The following ADGRE1 variants were observed in gnomAD, a reference collection of about 807,000 sequenced individuals.
The protein encoded by ADGRE1 is adhesion G protein-coupled receptor E1, also known as EGF-like module receptor 1.
ADGRE1 carries 82 observed loss-of-function variants against 102.7 expected under a neutral mutation model. That is an observed-to-expected ratio of 0.80 (90% confidence interval 0.67 to 0.96). The LOEUF is 0.96. Ranked by LOEUF, ADGRE1 falls within the 40% of genes least tolerant of loss-of-function variation. The pLI, the probability that ADGRE1 is intolerant of heterozygous loss-of-function variation, is 0.00. For synonymous variants in ADGRE1, 398 were observed against 399.6 expected, an observed-to-expected ratio of 1.00 and a Z score of 0.05; for missense variants, 1,032 against 1,085.3, an observed-to-expected ratio of 0.95 and a Z score of 0.69.
At chr19:6,902,107 T>A in intron 6 of ADGRE1, 86 bp downstream of exon 6, 4 of 1,517,760 alleles carry the variant, frequency 2.6e-6, no homozygotes, top group Non-Finnish European at 3.6e-6. Context: ...CTTGGTTGAG[T>A]TTGAGACTTT....
intron 10 of ADGRE1, among the ~76,000 whole-genome samples, chr19:6,909,416 C>T (rs1445645861): frequency 6.6e-6 from 1 of 152,120 alleles, no homozygotes; most frequent in East Asian, 1.9e-4. Flanking sequence ...GATCTGGTCT[C>T]TGTCACCAGA....
chr19:6,915,920 CAAAAAAAAAAA>C (rs67370670), intron 11 of ADGRE1, among the ~76,000 whole-genome samples: 2 of 59,142 alleles, frequency 3.4e-5, no homozygotes, highest in African/African-American at 8.0e-5. Flanking sequence ...GACTCCGTCT[CAAAAAAAAAAA>C]AAAAAAAAAA....
At chr19:6,912,632 G>A (rs1427666458) in intron 10 of ADGRE1, among the ~76,000 whole-genome samples, 2 of 152,086 alleles carry the variant, frequency 1.3e-5, no homozygotes, top group African/African-American at 4.8e-5. Context: ...GTGAACAGTG[G>A]CTCAGAGACC....
intron 11 of ADGRE1, 24 bp from the exon 12 acceptor site, chr19:6,916,225 C>G (rs199860809): frequency 8.1e-6 from 13 of 1,603,506 alleles, no homozygotes; most frequent in Non-Finnish European, 1.1e-5. Flanking sequence ...TGACCTCATA[C>G]GAACTCTCCC....
chr19:6,934,762 TA>T, intron 17 of ADGRE1, among the ~76,000 whole-genome samples: 1 of 145,698 alleles, frequency 6.9e-6, no homozygotes, highest in East Asian at 2.0e-4. Context: ...CATGCATGGC[TA>T]ATTTTTTTTT....
intron 5 of ADGRE1, among the ~76,000 whole-genome samples, chr19:6,901,243 C>T (rs760510065): frequency 6.6e-6 from 1 of 152,204 alleles, no homozygotes; most frequent in Non-Finnish European, 1.5e-5. Context: ...TGTATTGTTA[C>T]ATTATTACAA....
At chr19:6,928,939 C>CA (rs61017298) in intron 17 of ADGRE1, among the ~76,000 whole-genome samples, 464 of 131,974 alleles carry the variant, frequency 3.5e-3, no homozygotes, top group African/African-American at 9.5e-3. Context: ...AACTCCATCT[C>CA]AAAAAAAAAA....
chr19:6,911,692 TAC>T (rs1307318573), intron 10 of ADGRE1, among the ~76,000 whole-genome samples: 2 of 150,994 alleles, frequency 1.3e-5, no homozygotes. Context: ...CATACACGTA[TAC>T]ACACGTGTAC....
chr19:6,897,123 A>AT, intron 3 of ADGRE1, 26 bp from the exon 4 acceptor site: 1 of 1,587,572 alleles, frequency 6.3e-7, no homozygotes, highest in Non-Finnish European at 8.6e-7. Context: ...GTATAAGTAA[A>AT]TTTGTAACTC....
At chr19:6,918,528 C>T (rs930599250) in intron 12 of ADGRE1, among the ~76,000 whole-genome samples, 3 of 152,068 alleles carry the variant, frequency 2.0e-5, no homozygotes, top group African/African-American at 7.2e-5. Flanking sequence ...GGGGTTGGTA[C>T]TGTCTGGTTG....
intron 2 of ADGRE1, among the ~76,000 whole-genome samples, chr19:6,893,519 G>A (rs1973449693): frequency 6.6e-6 from 1 of 152,146 alleles, no homozygotes; most frequent in African/African-American, 2.4e-5. Flanking sequence ...TATTTCTTAT[G>A]GCTGAATGAT....
intron 9 of ADGRE1, among the ~76,000 whole-genome samples, chr19:6,908,129 C>A: frequency 6.6e-6 from 1 of 152,250 alleles, no homozygotes; most frequent in Non-Finnish European, 1.5e-5. Flanking sequence ...CGTTCTTAAA[C>A]CACAAACAAT....
Position 6,920,264 on chromosome 19 carries a change from G to C in ADGRE1, c.1620+517G>C, listed in dbSNP as rs565382098. Among the ~76,000 whole-genome samples, 302 of 146,484 alleles carry C rather than the reference G, an allele frequency of 2.1e-3. 1 individual carries two copies. The highest frequency in any genetic ancestry group is 3.5e-3 in the Middle Eastern group (1 of 286). On this transcript the variant is annotated intron_variant, in intron 13 of 20. Transcript: ENST00000312053. ...TTTTTTAGTCTCACTCTGTCACCCA[G>C]GCTGGAGTGCAGTGGCACAATTTCA... is the stretch of plus-strand genomic sequence containing the variant.
rs373926347 is a variant in ADGRE1 at position 6,923,392 on chromosome 19, A to G, written c.1792-1286A>G. 4.6e-5 allele frequency among the ~76,000 whole-genome samples: 7 copies of G among 152,326 alleles called. 2 individuals are homozygous for G. The highest frequency in any genetic ancestry group is 1.9e-4 in the East Asian group (1 of 5,184). On this transcript the variant is annotated intron_variant, in intron 14 of 20. Transcript: ENST00000312053. ...GCACAGTTGTACTTGAAATGTTTTC[A>G]TTTAATCCTAAAACAACTCTATAAG...
intron 2 of ADGRE1, 121 bp downstream of exon 2, chr19:6,890,664 C>A: frequency 2.1e-6 from 2 of 961,448 alleles, no homozygotes; most frequent in Non-Finnish European, 3.1e-6. Context: ...AGCGGCAGAG[C>A]AAGGGTTAAC....
chr19:6,937,132 C>T, intron 18 of ADGRE1, 111 bp from the exon 19 acceptor site: 4 of 1,265,760 alleles, frequency 3.2e-6, no homozygotes, highest in Non-Finnish European at 4.4e-6. Flanking sequence ...CATTTGTCCA[C>T]ACCTAGGTGG....
At chr19:6,906,357 A>C in intron 8 of ADGRE1, 76 bp from the exon 9 acceptor site, 1 of 1,350,748 alleles carries the variant, frequency 7.4e-7, no homozygotes, top group South Asian at 1.2e-5. Flanking sequence ...ACGGGAGGAC[A>C]TGAAATCAGA....
chr19:6,894,634 T>C (rs1973485979), intron 2 of ADGRE1, among the ~76,000 whole-genome samples: 2 of 152,270 alleles, frequency 1.3e-5, no homozygotes, highest in East Asian at 1.9e-4. Flanking sequence ...GCAGTTCATG[T>C]TGAGTAATTT....
At chr19:6,890,443 T>TC in intron 1 of ADGRE1, 38 bp from the exon 2 acceptor site, 1 of 1,231,448 alleles carries the variant, frequency 8.1e-7, no homozygotes, top group Non-Finnish European at 1.1e-6. Flanking sequence ...TTTTTTTTTT[T>TC]TGGTGGTTCA....
Sources: gnomAD v4.1 joint callset for allele counts (sites outside exome capture counted in the v4.1 genomes callset) on GRCh38, gnomAD v4.1.1 for gene constraint, MANE v1.5 for transcripts, NCBI Gene and HGNC (gene_info 2026-07-23, HGNC 2026-07-21) for gene names.